ARHGAP15: variants seen among roughly 807,000 people sequenced by gnomAD.
ARHGAP15 encodes rho GTPase-activating protein 15.
ARHGAP15 carries 51 observed loss-of-function variants against 63.7 expected under a neutral mutation model. The observed-to-expected ratio is 0.80, with a 90% CI of 0.64 to 1.01. The LOEUF is 1.01. Ranked by LOEUF, ARHGAP15 falls within the 50% of genes least tolerant of loss-of-function variation. The probability of loss-of-function intolerance (pLI) is 0.00; values close to 1 mark genes in which losing one functional copy is unlikely to be tolerated. For missense variants in ARHGAP15, 560 were observed against 564.6 expected (o/e 0.99, Z 0.08); for synonymous variants, 191 against 193.8 (o/e 0.99, Z 0.12).
chr2:143,263,469 T>C (rs967644072), intron 6 of ARHGAP15, among the ~76,000 whole-genome samples: 1 of 152,152 alleles, frequency 6.6e-6, no homozygotes, highest in Non-Finnish European at 1.5e-5. Context: ...TAATCAGTGG[T>C]AGGTAGCCTT....
chr2:143,475,474 C>A (rs1313865307), intron 8 of ARHGAP15, among the ~76,000 whole-genome samples: 1 of 152,222 alleles, frequency 6.6e-6, no homozygotes, highest in African/African-American at 2.4e-5. Flanking sequence ...TCTGTCCCAA[C>A]AAAACTATTC....
At chr2:143,130,798 G>C (rs898165209) in intron 1 of ARHGAP15, among the ~76,000 whole-genome samples, 1 of 152,114 alleles carries the variant, frequency 6.6e-6, no homozygotes, top group African/African-American at 2.4e-5. Flanking sequence ...TTGATATTGT[G>C]ATTAGATTTT....
intron 10 of ARHGAP15, among the ~76,000 whole-genome samples, chr2:143,524,309 T>A (rs548668656): frequency 2.6e-5 from 4 of 152,296 alleles, no homozygotes; most frequent in African/African-American, 9.6e-5. Context: ...ATTCCCTCAT[T>A]GCTTGTGTGA....
intron 9 of ARHGAP15, among the ~76,000 whole-genome samples, chr2:143,514,466 C>A (rs952708246): frequency 2.6e-5 from 4 of 152,158 alleles, no homozygotes; most frequent in African/African-American, 7.2e-5. Flanking sequence ...ACATTCTTAG[C>A]AAATTTAGAA....
chr2:143,189,565 G>A (rs1251532358), intron 2 of ARHGAP15, among the ~76,000 whole-genome samples: 2 of 149,734 alleles, frequency 1.3e-5, no homozygotes, highest in Non-Finnish European at 3.0e-5. Context: ...AGGTTCAAGC[G>A]ACTCTCATGC....
chr2:143,718,435 A>G (rs1269589746), intron 13 of ARHGAP15, among the ~76,000 whole-genome samples: 1 of 152,192 alleles, frequency 6.6e-6, no homozygotes, highest in Non-Finnish European at 1.5e-5. Flanking sequence ...TTTTGAGCCT[A>G]TTATGTTTCT....
chr2:143,215,063 TAC>T (rs1431784337), intron 3 of ARHGAP15, among the ~76,000 whole-genome samples: 3 of 152,206 alleles, frequency 2.0e-5, no homozygotes, highest in African/African-American at 7.2e-5. Context: ...GTGTGAAAGG[TAC>T]AGTTTTTTGC....
chr2:143,614,496 AAG>A (rs968669409), intron 11 of ARHGAP15, among the ~76,000 whole-genome samples: 1 of 152,182 alleles, frequency 6.6e-6, no homozygotes, highest in Non-Finnish European at 1.5e-5. Context: ...ATGATAAACA[AAG>A]AGAATACAAA....
At chr2:143,288,381 T>A (rs964180082) in intron 6 of ARHGAP15, among the ~76,000 whole-genome samples, 3 of 152,084 alleles carry the variant, frequency 2.0e-5, no homozygotes, top group African/African-American at 4.8e-5. Flanking sequence ...GAAAAAAAAA[T>A]TACCTTTTCT....
chr2:143,336,201 A>C (rs1315850289), intron 6 of ARHGAP15, among the ~76,000 whole-genome samples: 1 of 151,926 alleles, frequency 6.6e-6, no homozygotes, highest in Non-Finnish European at 1.5e-5. Context: ...TAGAGACAAG[A>C]TTTCGCCATG....
chr2:143,673,334 G>C (rs1230383181), intron 12 of ARHGAP15, among the ~76,000 whole-genome samples: 1 of 152,106 alleles, frequency 6.6e-6, no homozygotes, highest in African/African-American at 2.4e-5. Context: ...GTCTCACTCT[G>C]TCACCCAGGC....
intron 2 of ARHGAP15, among the ~76,000 whole-genome samples, chr2:143,199,537 C>T (rs1692022513): frequency 6.6e-6 from 1 of 152,032 alleles, no homozygotes; most frequent in Non-Finnish European, 1.5e-5. Context: ...AACTTCATCC[C>T]TCCGTAGGGC....
At chr2:143,284,996 C>CT (rs1379959863) in intron 6 of ARHGAP15, among the ~76,000 whole-genome samples, 1 of 152,064 alleles carries the variant, frequency 6.6e-6, no homozygotes, top group Non-Finnish European at 1.5e-5. Flanking sequence ...ATATTACAGA[C>CT]TTCTAATGTT....
chr2:143,297,069 AC>A (rs1373263117), intron 6 of ARHGAP15, among the ~76,000 whole-genome samples: 4 of 152,084 alleles, frequency 2.6e-5, no homozygotes, highest in Non-Finnish European at 5.9e-5. Flanking sequence ...GAAAAAAGGT[AC>A]CCCAGTATCT....
chr2:143,487,535 T>C, intron 9 of ARHGAP15, 40 bp downstream of exon 9: 2 of 1,589,544 alleles, frequency 1.3e-6, no homozygotes, highest in Non-Finnish European at 8.5e-7. Flanking sequence ...CTGTGATAAA[T>C]GAATGTGCCT....
At chr2:143,527,755 T>C (rs1315683414) in intron 10 of ARHGAP15, among the ~76,000 whole-genome samples, 1 of 152,096 alleles carries the variant, frequency 6.6e-6, no homozygotes, top group Non-Finnish European at 1.5e-5. Flanking sequence ...ACCTAACACA[T>C]AATGAATTCT....
At chr2:143,707,589 T>C (rs1421569290) in intron 13 of ARHGAP15, among the ~76,000 whole-genome samples, 2 of 152,152 alleles carry the variant, frequency 1.3e-5, no homozygotes, top group African/African-American at 4.8e-5. Flanking sequence ...GCAATGTATC[T>C]CGAGAATGCA....
At chr2:143,371,990 C>T (rs1287606271) in intron 6 of ARHGAP15, among the ~76,000 whole-genome samples, 1 of 149,618 alleles carries the variant, frequency 6.7e-6, no homozygotes, top group East Asian at 2.0e-4. Flanking sequence ...CCAAATACTA[C>T]CTGTTCCCCA....
chr2:143,581,398 G>A (rs1332189400), intron 11 of ARHGAP15, among the ~76,000 whole-genome samples: 1 of 151,832 alleles, frequency 6.6e-6, no homozygotes, highest in African/African-American at 2.4e-5. Flanking sequence ...TAGCCCCACA[G>A]CCCCACACCC....
Sources: allele counts gnomAD v4.1 joint callset (sites outside exome capture counted in the v4.1 genomes callset), GRCh38; gene constraint gnomAD v4.1.1; transcripts MANE v1.5; gene names NCBI Gene and HGNC (gene_info 2026-07-23, HGNC 2026-07-21).